NCAM1: variants seen among roughly 807,000 people sequenced by gnomAD.
NCAM1 encodes the protein antigen recognized by monoclonal antibody 5.1H11.
In NCAM1, 14 loss-of-function variants were observed where a neutral mutation model predicts 109.8. That is an observed-to-expected ratio of 0.13 (90% CI 0.08 to 0.20). The LOEUF is 0.20. NCAM1 is among the 10% of genes least tolerant of loss of function. The pLI is 1.00. For missense variants in NCAM1, 774 were observed against 1,109.9 expected (o/e 0.70, Z 4.30); for synonymous variants, 418 against 442.9 (o/e 0.94, Z 0.70).
intron 1 of NCAM1, among the ~76,000 whole-genome samples, chr11:112,971,084 C>T (rs1555066697): frequency 6.6e-6 from 1 of 151,880 alleles, no homozygotes; most frequent in East Asian, 1.9e-4. Context: ...ATGATGAAAT[C>T]TGTTTAACGG....
At chr11:113,120,276 C>G (rs1256254488) in intron 1 of NCAM1, among the ~76,000 whole-genome samples, 1 of 152,190 alleles carries the variant, frequency 6.6e-6, no homozygotes, top group Non-Finnish European at 1.5e-5. Flanking sequence ...TGTGGGCTGA[C>G]ATTATCCAAG....
At chr11:113,271,978 C>T (rs1192442988) in intron 19 of NCAM1, 102 bp downstream of exon 19, 47 of 822,990 alleles carry the variant, frequency 5.7e-5, no homozygotes, top group Non-Finnish European at 8.0e-5. Flanking sequence ...AGCTCCCGGC[C>T]AAACAGTTCA....
At chr11:113,195,260 T>C (rs901342383) in intron 1 of NCAM1, among the ~76,000 whole-genome samples, 3 of 152,212 alleles carry the variant, frequency 2.0e-5, no homozygotes, top group Non-Finnish European at 4.4e-5. Flanking sequence ...ACATGTCAAG[T>C]ATAGACAAGA....
chr11:113,111,281 C>G (rs1259469821), intron 1 of NCAM1, among the ~76,000 whole-genome samples: 2 of 151,922 alleles, frequency 1.3e-5, no homozygotes, highest in East Asian at 1.9e-4. Flanking sequence ...AAATTTTTAC[C>G]TTTGTTTTTC....
intron 4 of NCAM1, 51 bp from the exon 5 acceptor site, chr11:113,205,992 C>G: frequency 6.2e-7 from 1 of 1,607,994 alleles, no homozygotes; most frequent in Non-Finnish European, 8.5e-7. Flanking sequence ...CACCTGCCTG[C>G]AGATGCTCTC....
intron 1 of NCAM1, among the ~76,000 whole-genome samples, chr11:113,122,082 C>T (rs1555096203): frequency 2.0e-5 from 3 of 152,160 alleles, no homozygotes. Context: ...TCCAAGTGCC[C>T]TTACACATCT....
chr11:113,247,096 C>T (rs1442021909), intron 15 of NCAM1, among the ~76,000 whole-genome samples: 4 of 152,086 alleles, frequency 2.6e-5, no homozygotes, highest in Non-Finnish European at 5.9e-5. Flanking sequence ...AAAATTATAG[C>T]CTAATTAAGT....
chr11:113,170,465 T>C (rs1358892695), intron 1 of NCAM1, among the ~76,000 whole-genome samples: 1 of 152,020 alleles, frequency 6.6e-6, no homozygotes, highest in Non-Finnish European at 1.5e-5. Context: ...CAAGGGAAAA[T>C]AGAAATGCAC....
At chr11:113,259,950 C>A (rs545893292) in intron 16 of NCAM1, 196 bp from the exon 17 acceptor site, 4 of 478,430 alleles carry the variant, frequency 8.4e-6, no homozygotes, top group African/African-American at 4.0e-5. Flanking sequence ...GTGATCCACC[C>A]GCCTCGGCCT....
At chr11:113,061,430 CA>C (rs1555083431) in intron 1 of NCAM1, among the ~76,000 whole-genome samples, 1 of 152,074 alleles carries the variant, frequency 6.6e-6, no homozygotes, top group Non-Finnish European at 1.5e-5. Flanking sequence ...TAAGTAATCT[CA>C]AAAGTAGGTG....
At chr11:113,013,769 A>G (rs1200011622) in intron 1 of NCAM1, among the ~76,000 whole-genome samples, 2 of 152,238 alleles carry the variant, frequency 1.3e-5, no homozygotes, top group African/African-American at 4.8e-5. Context: ...GTTAACGTCA[A>G]TATATTTCCT....
chr11:113,256,527 C>A (rs1365305901), intron 16 of NCAM1, among the ~76,000 whole-genome samples: 2 of 152,152 alleles, frequency 1.3e-5, no homozygotes, highest in African/African-American at 4.8e-5. Flanking sequence ...CAGTTTGAAT[C>A]CAAGCCTGAC....
At chr11:113,075,917 T>G (rs1779964695) in intron 1 of NCAM1, among the ~76,000 whole-genome samples, 1 of 152,218 alleles carries the variant, frequency 6.6e-6, no homozygotes, top group Admixed American at 6.5e-5. Flanking sequence ...CTTACAGCTG[T>G]TTTTTGTATC....
At chr11:113,242,813 C>A in intron 14 of NCAM1, 1 of 1,613,904 alleles carries the variant, frequency 6.2e-7, no homozygotes, top group Non-Finnish European at 8.5e-7. Context: ...AGCAACTTGG[C>A]CTCTTCCTGC....
rs1402541946 is a variant in NCAM1, at chr11:113,233,369, C to T, written c.1693+52C>T. ...TTGGGATCATGAGTGCCTCAGTACT[C>T]AGATGTCCCCACCTGCCATCCTGGG... On this transcript the variant is annotated intron_variant, in intron 13 of 19. Transcript: ENST00000316851. The surrounding 1 kb of genome is among the most constrained non-coding windows in gnomAD (Gnocchi z 4.5). The T allele has an allele frequency of 2.3e-5, 36 of 1,546,162 alleles. No individual in the cohort carries two copies. The highest frequency in any genetic ancestry group is 3.0e-5 in the Non-Finnish European group (34 of 1,137,584).
chr11:113,056,639 A>G (rs899157663), intron 1 of NCAM1, among the ~76,000 whole-genome samples: 22 of 152,192 alleles, frequency 1.4e-4, no homozygotes. Context: ...CCCTCGTTCC[A>G]GCAGCCCACA....
rs547608619 is a variant in NCAM1, at chr11:113,212,604, A to G, written c.917-1765A>G. 5.3e-5 allele frequency among the ~76,000 whole-genome samples: 8 copies of G among 152,262 alleles called. No individual in the cohort carries two copies. The South Asian group carries it at 8.3e-4, about 16-fold the overall frequency. ...CCTGGGATTGTCTCCAGACCTCAAA[A>G]CAACTGTTGAGTTTAGCGAATTCAG... On this transcript the variant is annotated intron_variant, in intron 7 of 19. Coordinates refer to ENST00000316851, the MANE Select transcript of NCAM1 (RefSeq NM_181351.5).
chr11:113,008,462 T>A (rs782586232), intron 1 of NCAM1, among the ~76,000 whole-genome samples: 13 of 152,196 alleles, frequency 8.5e-5, no homozygotes, highest in Non-Finnish European at 1.8e-4. Flanking sequence ...GCCGTGGAAA[T>A]ATTTTAGTGG....
chr11:113,163,243 A>G (rs1431670301), intron 1 of NCAM1, among the ~76,000 whole-genome samples: 2 of 152,176 alleles, frequency 1.3e-5, no homozygotes, highest in Admixed American at 6.5e-5. Flanking sequence ...AGGCTGTGGC[A>G]TATCTTTTTC....
Sources: gnomAD v4.1 joint callset for allele counts (sites outside exome capture counted in the v4.1 genomes callset) on GRCh38, gnomAD v4.1.1 for gene constraint, Gnocchi (gnomAD v3.1) non-coding constraint, MANE v1.5 for transcripts, NCBI Gene and HGNC (gene_info 2026-07-23, HGNC 2026-07-21) for gene names.